Variants in MTFR1 observed in about 807,000 individuals in gnomAD.
MTFR1 encodes mitochondrial fission regulator 1, also known as chondrocyte protein with a poly-proline region.
Under a neutral mutation model 38.8 loss-of-function variants are expected in MTFR1, and 28 were observed. The ratio of observed to expected loss-of-function variants is 0.72; its 90% confidence interval spans 0.53 to 0.99. The LOEUF (loss-of-function observed/expected upper bound fraction) is 0.99, where lower values mean the gene tolerates loss of function less well. Among genes scored for constraint, MTFR1 ranks in the 50% least tolerant of loss-of-function variants. MTFR1 has a pLI of 0.00. For synonymous variants in MTFR1, 145 were observed against 137.0 expected, an observed-to-expected ratio of 1.06 and a Z score of -0.41; for missense variants, 358 against 395.5, an observed-to-expected ratio of 0.91 and a Z score of 0.81.
chr8:65,664,181 C>G (rs530788820), intron 1 of MTFR1, among the ~76,000 whole-genome samples: 1 of 152,292 alleles, frequency 6.6e-6, no homozygotes, highest in South Asian at 2.1e-4. Flanking sequence ...CCTGGGTACT[C>G]AAGCGAATGC....
chr8:65,715,379 GTTTT>G (rs869132666), downstream of MTFR1, among the ~76,000 whole-genome samples: 4 of 133,364 alleles, frequency 3.0e-5, no homozygotes, highest in Non-Finnish European at 3.3e-5. Context: ...CTATAAAAAA[GTTTT>G]TTTTTTTTTT....
At chr8:65,674,976 T>A (rs1804670915) in intron 2 of MTFR1, among the ~76,000 whole-genome samples, 1 of 152,132 alleles carries the variant, frequency 6.6e-6, no homozygotes, top group South Asian at 2.1e-4. Context: ...AAGGGAAAGA[T>A]GACTGTTAAT....
At chr8:65,649,591 G>A (rs1796901737) in intron 1 of MTFR1, among the ~76,000 whole-genome samples, 3 of 152,120 alleles carry the variant, frequency 2.0e-5, no homozygotes, top group Non-Finnish European at 2.9e-5. Context: ...TCACATCAGG[G>A]TAAATGGTAA....
chr8:65,720,542 A>AT (rs1806331337), intron 3 of MTFR1: 1 of 154,160 alleles, frequency 6.5e-6, no homozygotes, highest in Non-Finnish European at 1.5e-5. Context: ...TGATGGCTGA[A>AT]TTTTTTAAGT....
At chr8:65,778,490 A>C in the MTFR1 span, among the ~76,000 whole-genome samples, 2 of 152,288 alleles carry the variant, frequency 1.3e-5, no homozygotes, top group South Asian at 4.1e-4. Flanking sequence ...ATTCCAATCA[A>C]AGACCAAGAC....
At chr8:65,647,413 A>G (rs946174905) in intron 1 of MTFR1, among the ~76,000 whole-genome samples, 1 of 152,096 alleles carries the variant, frequency 6.6e-6, no homozygotes, top group Non-Finnish European at 1.5e-5. Flanking sequence ...CCTGGGTTCA[A>G]GCGATTCTCC....
At chr8:65,680,478 T>C (rs1037893964) in intron 2 of MTFR1, among the ~76,000 whole-genome samples, 1 of 152,180 alleles carries the variant, frequency 6.6e-6, no homozygotes, top group Non-Finnish European at 1.5e-5. Context: ...AACCCCACAC[T>C]GACTCATACT....
intron 3 of MTFR1, among the ~76,000 whole-genome samples, chr8:65,733,069 T>C (rs1806966615): frequency 6.6e-6 from 1 of 152,212 alleles, no homozygotes; most frequent in Non-Finnish European, 1.5e-5. Flanking sequence ...GCCTGCATTG[T>C]AGGGCTTTGT....
At chr8:65,723,615 A>C in intron 3 of MTFR1, 5 of 1,556,064 alleles carry the variant, frequency 3.2e-6, no homozygotes, top group Non-Finnish European at 4.3e-6. Flanking sequence ...TTTTTTTTCT[A>C]TATCTCCTAT....
At chr8:65,697,706 T>A (rs1392269038) in intron 4 of MTFR1, among the ~76,000 whole-genome samples, 5 of 152,240 alleles carry the variant, frequency 3.3e-5, no homozygotes, top group Non-Finnish European at 7.3e-5. Flanking sequence ...ACTGACAAGC[T>A]GTTTTCTAGA....
chr8:65,658,033 C>T (rs1194961094), intron 1 of MTFR1, among the ~76,000 whole-genome samples: 1 of 152,048 alleles, frequency 6.6e-6, no homozygotes, highest in Non-Finnish European at 1.5e-5. Flanking sequence ...AACATTATTC[C>T]AGTGATTCAT....
intron 3 of MTFR1, among the ~76,000 whole-genome samples, chr8:65,748,817 A>G (rs994955418): frequency 3.3e-5 from 5 of 152,202 alleles, no homozygotes; most frequent in African/African-American, 1.2e-4. Context: ...TAATATATAT[A>G]CAAGTCAGAG....
chr8:65,647,472 C>A (rs1277096643), intron 1 of MTFR1, among the ~76,000 whole-genome samples: 1 of 152,158 alleles, frequency 6.6e-6, no homozygotes, highest in Admixed American at 6.5e-5. Flanking sequence ...CCACCACGCC[C>A]AGCTAATTTG....
At chr8:65,769,013 T>C (rs1808938435) in intron 3 of MTFR1, among the ~76,000 whole-genome samples, 1 of 152,032 alleles carries the variant, frequency 6.6e-6, no homozygotes, top group Admixed American at 6.6e-5. Context: ...TTTGGAAGGC[T>C]GAGGTAGGCA....
downstream of MTFR1, among the ~76,000 whole-genome samples, chr8:65,771,884 CAAAAAAAAAA>C (rs36101490): frequency 3.6e-5 from 2 of 55,830 alleles, no homozygotes; most frequent in African/African-American, 5.5e-5. Context: ...CTCCATCTCT[CAAAAAAAAAA>C]AAAAAAAAAA....
intron 2 of MTFR1, among the ~76,000 whole-genome samples, chr8:65,681,537 G>T (rs907169984): frequency 1.3e-5 from 2 of 152,068 alleles, no homozygotes; most frequent in African/African-American, 4.8e-5. Context: ...TTCTGTCCAG[G>T]CTTTCAAGTG....
Position 65,700,365 on chromosome 8 carries a change from A to G in MTFR1, c.282-4329A>G, listed in dbSNP as rs1032598409. On this transcript the variant is annotated intron_variant, in intron 4 of 7. Transcript: ENST00000262146. ...GACCTATCTTAAAAAAAAAAAAAAAAAGAAAAAAGAAAACAAAAAAAAGGG... is the reference window on the plus strand; with the variant it reads ...GACCTATCTTAAAAAAAAAAAAAAAGAGAAAAAAGAAAACAAAAAAAAGGG... Among the ~76,000 whole-genome samples the G allele has an allele frequency of 6.0e-5, 9 of 150,588 alleles. No individual in the cohort carries two copies. The East Asian group carries it at 9.6e-4, about 16-fold the overall frequency.
chr8:65,687,494 C>T (rs575463583), intron 3 of MTFR1, among the ~76,000 whole-genome samples: 25 of 152,000 alleles, frequency 1.6e-4, no homozygotes, highest in African/African-American at 5.3e-4. Context: ...TACAGGCACT[C>T]GCCACCACGC....
intron 2 of MTFR1, among the ~76,000 whole-genome samples, chr8:65,671,647 G>C (rs1036569201): frequency 6.6e-6 from 1 of 151,718 alleles, no homozygotes; most frequent in Admixed American, 6.6e-5. Flanking sequence ...GCTTGCACAA[G>C]GAAGGGAAGT....
Sources: gnomAD v4.1 joint callset for allele counts (sites outside exome capture counted in the v4.1 genomes callset) on GRCh38, gnomAD v4.1.1 for gene constraint, MANE v1.5 for transcripts, NCBI Gene and HGNC (gene_info 2026-07-23, HGNC 2026-07-21) for gene names.